The following NTN4 variants were observed in gnomAD, a reference collection of about 807,000 sequenced individuals.
NTN4 encodes netrin-4.
A neutral mutation model predicts 73.6 loss-of-function variants in NTN4; 32 were observed. The ratio of observed to expected loss-of-function variants is 0.44; its 90% CI spans 0.33 to 0.58. The LOEUF is 0.58. NTN4 is among the 20% of genes least tolerant of loss of function. The pLI, the probability that NTN4 is intolerant of heterozygous loss-of-function variation, is 0.04. For synonymous variants in NTN4, 258 were observed against 287.5 expected (o/e 0.90, Z 1.04); for missense variants, 654 against 798.3 (o/e 0.82, Z 2.18).
chr12:95,703,207 G>C (rs1254415167), intron 5 of NTN4, among the ~76,000 whole-genome samples: 1 of 152,122 alleles, frequency 6.6e-6, no homozygotes, highest in Non-Finnish European at 1.5e-5. Context: ...GAGAGAAGAA[G>C]AAAAGGGCTG....
At chr12:95,681,697 C>G (rs775413911) in intron 7 of NTN4, among the ~76,000 whole-genome samples, 24 of 152,294 alleles carry the variant, frequency 1.6e-4, no homozygotes, top group East Asian at 1.9e-4. Flanking sequence ...ATACCACTAT[C>G]ATGGCATGCC....
At chr12:95,714,871 T>TGTG (rs2078594063) in intron 3 of NTN4, among the ~76,000 whole-genome samples, 1 of 152,136 alleles carries the variant, frequency 6.6e-6, no homozygotes, top group South Asian at 2.1e-4. Flanking sequence ...AAAAATGAAT[T>TGTG]ACTAAAAATG....
intron 5 of NTN4, among the ~76,000 whole-genome samples, chr12:95,693,605 C>G (rs568480782): frequency 2.0e-5 from 3 of 151,352 alleles, no homozygotes; most frequent in African/African-American, 7.3e-5. Context: ...GTGGTGCATC[C>G]CTGTAATCCC....
chr12:95,723,631 T>C (rs1204826384), intron 3 of NTN4, among the ~76,000 whole-genome samples: 2 of 151,878 alleles, frequency 1.3e-5, no homozygotes, highest in Non-Finnish European at 2.9e-5. Context: ...TTCTCCTGCC[T>C]CAGCCTCCTG....
intron 2 of NTN4, among the ~76,000 whole-genome samples, chr12:95,744,991 G>A (rs75363248): frequency 0.038 from 5,819 of 151,944 alleles, 317 homozygotes; most frequent in East Asian, 0.29. Flanking sequence ...TCAGGCTTAC[G>A]TTGTTTCCAA....
At chr12:95,678,707 T>C (rs758929514) in intron 7 of NTN4, among the ~76,000 whole-genome samples, 11 of 151,704 alleles carry the variant, frequency 7.3e-5, no homozygotes, top group Non-Finnish European at 1.5e-4. Flanking sequence ...CATTAGAAAA[T>C]CCAAGATAAT....
intron 3 of NTN4, among the ~76,000 whole-genome samples, chr12:95,727,928 A>C (rs989886888): frequency 2.0e-5 from 3 of 152,192 alleles, no homozygotes; most frequent in Admixed American, 2.0e-4. Flanking sequence ...TAATTAATGC[A>C]TGAAGTCAAA....
At chr12:95,702,858 G>GTTTTTTT (rs35050257) in intron 5 of NTN4, among the ~76,000 whole-genome samples, 1 of 123,706 alleles carries the variant, frequency 8.1e-6, no homozygotes, top group African/African-American at 2.9e-5. Context: ...TTTTTTTTTG[G>GTTTTTTT]TTTTTTTTTT....
intron 3 of NTN4, among the ~76,000 whole-genome samples, chr12:95,732,993 C>G (rs2078749756): frequency 1.3e-5 from 2 of 152,224 alleles, no homozygotes; most frequent in Non-Finnish European, 2.9e-5. Flanking sequence ...CATTTACCCT[C>G]AGACTTAGAC....
chr12:95,762,512 TAAGA>T (rs1325315462), intron 2 of NTN4, among the ~76,000 whole-genome samples: 2 of 152,226 alleles, frequency 1.3e-5, no homozygotes, highest in African/African-American at 4.8e-5. Context: ...AGAGTTGAAT[TAAGA>T]AAGAGAACTG....
chr12:95,784,050 T>G (rs893667205), intron 2 of NTN4, among the ~76,000 whole-genome samples: 3 of 152,350 alleles, frequency 2.0e-5, no homozygotes, highest in Admixed American at 6.5e-5. Flanking sequence ...AGAGAAGTCT[T>G]AAGCCTTATA....
intron 5 of NTN4, among the ~76,000 whole-genome samples, chr12:95,700,761 T>G (rs1334752989): frequency 6.6e-6 from 1 of 151,936 alleles, no homozygotes; most frequent in Non-Finnish European, 1.5e-5. Flanking sequence ...GGTTATTCTC[T>G]TTTTTCTTTC....
At chr12:95,770,005 C>T (rs962267245) in intron 2 of NTN4, among the ~76,000 whole-genome samples, 1 of 152,146 alleles carries the variant, frequency 6.6e-6, no homozygotes, top group Admixed American at 6.5e-5. Context: ...GATCCACCAG[C>T]CTTGGCCTCC....
intron 5 of NTN4, among the ~76,000 whole-genome samples, chr12:95,706,744 G>C (rs988527291): frequency 6.6e-6 from 1 of 152,086 alleles, no homozygotes; most frequent in Non-Finnish European, 1.5e-5. Context: ...TGCTACACAA[G>C]CACATAGAAG....
intron 2 of NTN4, among the ~76,000 whole-genome samples, chr12:95,783,542 A>G (rs1470734403): frequency 6.6e-6 from 1 of 152,230 alleles, no homozygotes; most frequent in African/African-American, 2.4e-5. Flanking sequence ...AGAGAGTGAG[A>G]GAGGAGGGAG....
intron 4 of NTN4, 100 bp from the exon 5 acceptor site, chr12:95,710,729 G>A (rs1056972095): frequency 1.1e-5 from 12 of 1,135,500 alleles, no homozygotes; most frequent in African/African-American, 3.1e-5. Flanking sequence ...TTGGCCAGGC[G>A]TGGTAGCTCA....
chr12:95,751,618 CTTCCCA>C (rs950113253), intron 2 of NTN4, among the ~76,000 whole-genome samples: 3 of 152,252 alleles, frequency 2.0e-5, no homozygotes, highest in Admixed American at 1.3e-4. Context: ...TGACTGACTC[CTTCCCA>C]GATCTTCTCG....
At chr12:95,754,809 C>T (rs1319146268) in intron 2 of NTN4, among the ~76,000 whole-genome samples, 3 of 152,196 alleles carry the variant, frequency 2.0e-5, no homozygotes, top group Admixed American at 6.5e-5. Context: ...GGACTCAGCC[C>T]GCCTGCACCC....
rs977886178 is a variant in NTN4 at position 95,752,797 on chromosome 12, C to T, written c.586-14653G>A. Among the ~76,000 whole-genome samples, 12 of 152,306 alleles carry T rather than the reference C, an allele frequency of 7.9e-5. No individual in the cohort carries two copies. In the East Asian group the frequency reaches 1.2e-3, roughly 15 times the overall value. ...TTGACCTTACTGTTTTAGCCTAGCC[C>T]TCATGTCTGCGTGCAGCGGCTGCCG... is the stretch of plus-strand genomic sequence containing the variant. On this transcript the variant is annotated intron_variant, in intron 2 of 9. Transcript: ENST00000343702.
Sources: gnomAD v4.1 joint callset for allele counts (sites outside exome capture counted in the v4.1 genomes callset) on GRCh38, gnomAD v4.1.1 for gene constraint, MANE v1.5 for transcripts, NCBI Gene and HGNC (gene_info 2026-07-23, HGNC 2026-07-21) for gene names.